CCNY: variants seen among roughly 807,000 people sequenced by gnomAD.
CCNY encodes cyclin Y.
CCNY carries 19 observed loss-of-function variants against 42.8 expected under a neutral mutation model. The ratio of observed to expected loss-of-function variants is 0.44; its 90% CI spans 0.31 to 0.65. CCNY has a LOEUF of 0.65. Among genes scored for constraint, CCNY ranks in the 30% least tolerant of loss-of-function variants. The pLI is 0.07. For synonymous variants in CCNY, 165 were observed against 162.7 expected (o/e 1.01, Z -0.11); for missense variants, 370 against 437.3 (o/e 0.85, Z 1.37).
chr10:35,417,258 G>C (rs1838044510), intron 1 of CCNY, among the ~76,000 whole-genome samples: 1 of 152,324 alleles, frequency 6.6e-6, no homozygotes, highest in East Asian at 1.9e-4. Flanking sequence ...TTGCAAAGAG[G>C]TGTTCTCATT....
chr10:35,476,452 A>C (rs1162914892), intron 1 of CCNY, among the ~76,000 whole-genome samples: 1 of 152,230 alleles, frequency 6.6e-6, no homozygotes, highest in Non-Finnish European at 1.5e-5. Flanking sequence ...ACCACAGTGC[A>C]ATCAAACTAG....
intron 1 of CCNY, among the ~76,000 whole-genome samples, chr10:35,458,204 C>A (rs1283901001): frequency 1.3e-5 from 2 of 152,160 alleles, no homozygotes; most frequent in Non-Finnish European, 1.5e-5. Flanking sequence ...GTCCCAAGGA[C>A]CCCACCCATT....
chr10:35,316,641 T>C (rs968653806), intron 3 of CCNY, among the ~76,000 whole-genome samples: 7 of 152,236 alleles, frequency 4.6e-5, no homozygotes, highest in African/African-American at 1.4e-4. Context: ...AATTGTGCTA[T>C]GGATATCCAG....
chr10:35,363,395 G>A (rs1255394774), intron 1 of CCNY, among the ~76,000 whole-genome samples: 1 of 149,108 alleles, frequency 6.7e-6, no homozygotes, highest in Non-Finnish European at 1.5e-5. Context: ...TTGGGGGGCC[G>A]GGCAGAGGTG....
chr10:35,540,963 G>A (rs189078022), intron 7 of CCNY, among the ~76,000 whole-genome samples: 3 of 151,982 alleles, frequency 2.0e-5, no homozygotes, highest in Admixed American at 6.6e-5. Context: ...CCAAGGAATC[G>A]ACTTTCAGTT....
chr10:35,526,974 G>A (rs570720898), intron 5 of CCNY, among the ~76,000 whole-genome samples: 1 of 152,286 alleles, frequency 6.6e-6, no homozygotes, highest in South Asian at 2.1e-4. Flanking sequence ...AGCTCAGCCC[G>A]TGGGAGCCCC....
Position 35,255,442 on chromosome 10 carries a change from A to C in CCNY, c.-9+4816A>C, listed in dbSNP as rs143686234. On this transcript the variant is annotated intron_variant, in intron 3 of 11. Transcript: ENST00000374706. ...TTCAAGCGATTCTGGGACTATAGGC[A>C]CACACCACCATGCCTGGCTAATTTC... 3.0e-3 allele frequency among the ~76,000 whole-genome samples: 452 copies of C among 151,216 alleles called. 18 individuals are homozygous for C. The highest frequency in any genetic ancestry group is 0.028 in the Admixed American group (416 of 15,096).
rs539565191 is a variant in CCNY, at chr10:35,489,442, A to G, written c.229+5964A>G. 1.2e-3 allele frequency among the ~76,000 whole-genome samples: 190 copies of G among 152,116 alleles called. 1 individual carries two copies. Among genetic ancestry groups the G allele is most frequent in the African/African-American group, 4.4e-3 (182 of 41,530 alleles). Reference sequence around the variant, plus strand: ...CAGCCTCCCGAGTAGCTGGGACTACAGGCGCCCACCACCACGCCCAGCTAA... The same window carrying G: ...CAGCCTCCCGAGTAGCTGGGACTACGGGCGCCCACCACCACGCCCAGCTAA... On this transcript the variant is annotated intron_variant, in intron 2 of 9. Coordinates refer to ENST00000374704, the MANE Select transcript of CCNY (RefSeq NM_145012.6).
chr10:35,566,555 C>CTGGT (rs1841576656), intron 9 of CCNY, among the ~76,000 whole-genome samples: 1 of 152,172 alleles, frequency 6.6e-6, no homozygotes, highest in South Asian at 2.1e-4. Context: ...GTTGGCCAGG[C>CTGGT]TGGTCTCAAA....
At chr10:35,549,472 T>C (rs1346486314) in intron 7 of CCNY, among the ~76,000 whole-genome samples, 1 of 149,824 alleles carries the variant, frequency 6.7e-6, no homozygotes, top group Non-Finnish European at 1.5e-5. Context: ...ACAGTGCTCG[T>C]GACCCTGTGC....
intron 1 of CCNY, among the ~76,000 whole-genome samples, chr10:35,470,393 A>G (rs1056149783): frequency 3.3e-5 from 5 of 152,194 alleles, no homozygotes; most frequent in African/African-American, 9.7e-5. Flanking sequence ...GTGTGTGCAC[A>G]GAGAGCTGCA....
At chr10:35,394,892 T>G in intron 1 of CCNY, 2 of 978,152 alleles carry the variant, frequency 2.0e-6, no homozygotes, top group Non-Finnish European at 2.4e-6. Flanking sequence ...AGTCTGTGCC[T>G]TGGAAAATTA....
At chr10:35,247,708 C>T (rs2135017076) in intron 1 of CCNY, among the ~76,000 whole-genome samples, 1 of 151,642 alleles carries the variant, frequency 6.6e-6, no homozygotes, top group South Asian at 2.1e-4. Context: ...AACCCCGTCT[C>T]TACTAAAAAT....
Position 35,392,839 on chromosome 10 carries a change from A to G in CCNY, c.154+55632A>G, listed in dbSNP as rs115279542. Among the ~76,000 whole-genome samples the G allele has an allele frequency of 6.6e-3, 999 of 152,280 alleles. 17 individuals are homozygous for G. Among genetic ancestry groups the G allele is most frequent in the African/African-American group, 0.023 (955 of 41,542 alleles). On this transcript the variant is annotated intron_variant, in intron 1 of 9. Coordinates refer to ENST00000374704, the MANE Select transcript of CCNY (RefSeq NM_145012.6). ...ATTACAGAGCCTAGCCCAGATGACA[A>G]TGACCATCTCCTTGACCAGATGCTA... is the stretch of plus-strand genomic sequence containing the variant.
chr10:35,356,502 G>A (rs1363497496), intron 1 of CCNY, among the ~76,000 whole-genome samples: 1 of 152,146 alleles, frequency 6.6e-6, no homozygotes, highest in Non-Finnish European at 1.5e-5. Context: ...GTTTGAGGAC[G>A]TGGATGTGGC....
chr10:35,432,801 A>G (rs1838441876), intron 1 of CCNY, among the ~76,000 whole-genome samples: 1 of 152,242 alleles, frequency 6.6e-6, no homozygotes, highest in South Asian at 2.1e-4. Flanking sequence ...GGAAAAATCC[A>G]TTATTAGAAT....
rs553173820 is a variant in CCNY at position 35,571,966 on chromosome 10, T to A, written c.*2796T>A. On this transcript the variant is annotated 3_prime_UTR_variant, in exon 10 of 10. Transcript: ENST00000374704. Reference sequence around the variant, plus strand: ...TTTGATTTGTTTTACTTTTCTTATTTTTTTTTTTTTAACTAGAAAAAGGGA... The same window carrying A: ...TTTGATTTGTTTTACTTTTCTTATTATTTTTTTTTTAACTAGAAAAAGGGA... 4.7e-5 allele frequency: 7 copies of A among 150,210 alleles called. No individual in the cohort carries two copies. Among genetic ancestry groups the A allele is most frequent in the South Asian group, 2.1e-4 (1 of 4,804 alleles). 9.3% of individuals were successfully genotyped at this position (150,210 alleles called of 1,614,324 possible).
At chr10:35,496,688 A>G (rs1414783402) in intron 2 of CCNY, among the ~76,000 whole-genome samples, 1 of 152,186 alleles carries the variant, frequency 6.6e-6, no homozygotes, top group East Asian at 1.9e-4. Flanking sequence ...AAAATTGGAA[A>G]TGGAAGAGGA....
At chr10:35,559,895 G>T (rs1334969420) in intron 8 of CCNY, among the ~76,000 whole-genome samples, 9 of 152,228 alleles carry the variant, frequency 5.9e-5, no homozygotes, top group African/African-American at 1.9e-4. Context: ...GTGGGTGATG[G>T]CGCATCAGCA....
Sources: gnomAD v4.1 joint callset for allele counts (sites outside exome capture counted in the v4.1 genomes callset) on GRCh38, gnomAD v4.1.1 for gene constraint, MANE v1.5 for transcripts, NCBI Gene and HGNC (gene_info 2026-07-23, HGNC 2026-07-21) for gene names.